The following SHANK2 variants were observed in gnomAD, a reference collection of about 807,000 sequenced individuals.
SHANK2 encodes SH3 and multiple ankyrin repeat domains protein 2.
A neutral mutation model predicts 133.7 loss-of-function variants in SHANK2; 43 were observed. The ratio of observed to expected loss-of-function variants is 0.32; its 90% confidence interval spans 0.25 to 0.41. The LOEUF is 0.41. SHANK2 is among the 10% of genes least tolerant of loss of function. SHANK2 has a pLI of 1.00. For missense variants in SHANK2, 1,994 were observed against 2,235.8 expected, an observed-to-expected ratio of 0.89 and a Z score of 2.18; for synonymous variants, 1,017 against 952.8, an observed-to-expected ratio of 1.07 and a Z score of -1.24.
chr11:70,798,990 G>T (rs1947984189), intron 13 of SHANK2, among the ~76,000 whole-genome samples: 1 of 152,070 alleles, frequency 6.6e-6, no homozygotes. Flanking sequence ...AAATGATGAG[G>T]TCGTACCTTC....
At chr11:70,819,166 C>T (rs1010216445) in intron 12 of SHANK2, among the ~76,000 whole-genome samples, 15 of 152,222 alleles carry the variant, frequency 9.9e-5, no homozygotes, top group Non-Finnish European at 1.5e-4. Context: ...AACATGGCAA[C>T]GGCCGGGGAA....
At chr11:70,935,711 GA>G (rs1950561947) in intron 10 of SHANK2, among the ~76,000 whole-genome samples, 2 of 151,252 alleles carry the variant, frequency 1.3e-5, no homozygotes, top group African/African-American at 2.4e-5. Flanking sequence ...ATGAAGACAT[GA>G]AAAAAACAGA....
At chr11:70,795,654 C>T (rs892549220) in intron 14 of SHANK2, among the ~76,000 whole-genome samples, 3 of 152,172 alleles carry the variant, frequency 2.0e-5, no homozygotes, top group African/African-American at 7.2e-5. Context: ...GATCTGCCCA[C>T]CTCAGTCTCC....
At chr11:70,587,142 G>A (rs2060264768) in intron 17 of SHANK2, among the ~76,000 whole-genome samples, 1 of 152,222 alleles carries the variant, frequency 6.6e-6, no homozygotes, top group African/African-American at 2.4e-5. Flanking sequence ...CACTAGGGTT[G>A]TTGCGTCACT....
chr11:71,165,838 G>A (rs1193227083), intron 2 of SHANK2, among the ~76,000 whole-genome samples: 2 of 152,054 alleles, frequency 1.3e-5, no homozygotes, highest in African/African-American at 4.8e-5. Flanking sequence ...AACGCTTCCC[G>A]GCTGATCTCA....
intron 6 of SHANK2, among the ~76,000 whole-genome samples, chr11:71,102,050 T>G (rs1445139470): frequency 6.6e-6 from 1 of 152,214 alleles, no homozygotes; most frequent in African/African-American, 2.4e-5. Context: ...GAAAGGCATT[T>G]CTAGCTTTAT....
chr11:71,166,523 C>T (rs2135486151), intron 2 of SHANK2, among the ~76,000 whole-genome samples: 1 of 149,928 alleles, frequency 6.7e-6, no homozygotes, highest in South Asian at 2.1e-4. Flanking sequence ...TCTTGTTGCC[C>T]AGGCTGCAGT....
At chr11:70,510,514 T>A (rs2135875849) in intron 17 of SHANK2, among the ~76,000 whole-genome samples, 1 of 152,294 alleles carries the variant, frequency 6.6e-6, no homozygotes, top group Middle Eastern at 3.4e-3. Context: ...GAAGAGATTG[T>A]CTTTCCTGCC....
intron 14 of SHANK2, among the ~76,000 whole-genome samples, chr11:70,782,390 G>T (rs948889364): frequency 5.9e-5 from 9 of 152,222 alleles, no homozygotes; most frequent in Non-Finnish European, 1.2e-4. Context: ...ATTTTAAGTG[G>T]AAAACCAGCC....
intron 10 of SHANK2, among the ~76,000 whole-genome samples, chr11:70,951,463 A>G (rs566434041): frequency 1.5e-5 from 2 of 132,050 alleles, no homozygotes; most frequent in Non-Finnish European, 3.1e-5. Flanking sequence ...TCATAAATTC[A>G]TTTCCCCTGG....
intron 2 of SHANK2, among the ~76,000 whole-genome samples, chr11:71,183,330 C>T (rs539208141): frequency 2.0e-5 from 3 of 152,274 alleles, no homozygotes; most frequent in South Asian, 4.1e-4. Context: ...GGGTGAAACT[C>T]ACTCTCCCCC....
intron 11 of SHANK2, among the ~76,000 whole-genome samples, chr11:70,867,252 A>T (rs1169801127): frequency 1.3e-5 from 2 of 152,022 alleles, no homozygotes; most frequent in African/African-American, 4.8e-5. Flanking sequence ...GGGTAGGTGG[A>T]GGGTGCTGGT....
At chr11:70,756,110 G>A (rs903281099) in intron 14 of SHANK2, among the ~76,000 whole-genome samples, 4 of 152,086 alleles carry the variant, frequency 2.6e-5, no homozygotes, top group African/African-American at 9.7e-5. Flanking sequence ...GACAGCTGCA[G>A]CCCCCGTGCG....
At chr11:70,848,288 G>A (rs537121239) in intron 11 of SHANK2, among the ~76,000 whole-genome samples, 263 of 152,292 alleles carry the variant, frequency 1.7e-3, no homozygotes, top group African/African-American at 6.0e-3. Flanking sequence ...CTTACAGCAT[G>A]GGCTAAAAGA....
chr11:71,250,818 G>C (rs1053562965), intron 1 of SHANK2, among the ~76,000 whole-genome samples: 1 of 152,148 alleles, frequency 6.6e-6, no homozygotes, highest in East Asian at 1.9e-4. Flanking sequence ...TGGCTGGGTC[G>C]GCAAAACCGA....
chr11:70,554,008 G>A (rs2059800220), intron 17 of SHANK2, among the ~76,000 whole-genome samples: 1 of 152,224 alleles, frequency 6.6e-6, no homozygotes. Context: ...AACTCGAAAT[G>A]GCCTGGGGTC....
At chr11:71,231,901 AAGAC>A in intron 1 of SHANK2, among the ~76,000 whole-genome samples, 1 of 152,124 alleles carries the variant, frequency 6.6e-6, no homozygotes, top group South Asian at 2.1e-4. Context: ...AAAAAAAAAA[AAGAC>A]AAAGAAACCT....
In SHANK2 at chr11:70,599,505, GC is replaced by G. The variant is rs1215125574; in HGVS notation, c.2061+60322del. 6.1e-5 allele frequency among the ~76,000 whole-genome samples: 8 copies of G among 131,976 alleles called. 1 individual carries two copies. The highest frequency in any genetic ancestry group is 2.2e-4 in the African/African-American group (8 of 36,954). 86.6% of individuals were successfully genotyped at this position (131,976 alleles called of 152,430 possible). A position where few individuals can be genotyped will look rare whatever the true frequency, so the allele number is the denominator to read the frequency against. Reference sequence around the variant, plus strand: ...GCCTGTAGTCCCAGCTACTCGGGAGGCTGAGGCAGGAGAATGGCGTGAACCC... The same window carrying G: ...GCCTGTAGTCCCAGCTACTCGGGAGGTGAGGCAGGAGAATGGCGTGAACCC... On this transcript the variant is annotated intron_variant, in intron 17 of 25. Transcript: ENST00000601538.
chr11:71,182,386 G>A (rs1014150515), intron 2 of SHANK2, among the ~76,000 whole-genome samples: 2 of 152,174 alleles, frequency 1.3e-5, no homozygotes, highest in Non-Finnish European at 2.9e-5. Context: ...TGGAATTGAA[G>A]CAAAAACGGC....
Sources: gnomAD v4.1 joint callset for allele counts (sites outside exome capture counted in the v4.1 genomes callset) on GRCh38, gnomAD v4.1.1 for gene constraint, MANE v1.5 for transcripts, NCBI Gene and HGNC (gene_info 2026-07-23, HGNC 2026-07-21) for gene names.